MAP3K2: variants seen among roughly 807,000 people sequenced by gnomAD.
MAP3K2 encodes the protein MAP/ERK kinase kinase 2.
Under a neutral mutation model 80.3 loss-of-function variants are expected in MAP3K2, and 24 were observed. The ratio of observed to expected loss-of-function variants is 0.30; its 90% CI spans 0.22 to 0.42. MAP3K2 has a LOEUF of 0.42. MAP3K2 is among the 10% of genes least tolerant of loss of function. The pLI is 1.00. For synonymous variants in MAP3K2, 244 were observed against 253.7 expected (o/e 0.96, Z 0.36); for missense variants, 608 against 750.1 (o/e 0.81, Z 2.21).
In MAP3K2 at chr2:127,307,494, T is replaced by A; in HGVS notation, c.*85A>T. ...TCTTTTTTCTCCCCCATCTCTCTTT[T>A]TTTATAAAAAAGAAAAGTGCAGTCA... is the stretch of plus-strand genomic sequence containing the variant. On this transcript the variant is annotated 3_prime_UTR_variant, in exon 17 of 17. Coordinates refer to ENST00000682094, the MANE Select transcript of MAP3K2 (RefSeq NM_001371910.2). This position sits in a 1 kb window ranked among gnomAD's most constrained non-coding sequence, Gnocchi z 5.4. The A allele has an allele frequency of 1.3e-6, 1 of 763,936 alleles. No individual in the cohort carries two copies. The highest frequency in any genetic ancestry group is 2.9e-5 in the South Asian group (1 of 34,222). The allele number at this position is 763,936 out of a possible 1,614,324, so 47.3% of individuals were successfully genotyped here.
At chr2:127,330,901 T>C (rs1221615875) in intron 5 of MAP3K2, among the ~76,000 whole-genome samples, 1 of 152,218 alleles carries the variant, frequency 6.6e-6, no homozygotes, top group African/African-American at 2.4e-5. Flanking sequence ...AACTCAGTTC[T>C]TTTTTCAATA....
chr2:127,360,235 A>C (rs1265205234), intron 1 of MAP3K2, among the ~76,000 whole-genome samples: 1 of 152,210 alleles, frequency 6.6e-6, no homozygotes, highest in Non-Finnish European at 1.5e-5. Context: ...ATGAATCTCA[A>C]TTATGCTGAG....
upstream of MAP3K2, chr2:127,388,091 C>G: frequency 1.0e-6 from 1 of 984,300 alleles, no homozygotes; most frequent in Non-Finnish European, 1.2e-6. Flanking sequence ...TGGGTCGGCG[C>G]CTGCGCAGAG....
intron 2 of MAP3K2, among the ~76,000 whole-genome samples, chr2:127,340,427 G>C (rs1039826882): frequency 6.6e-6 from 1 of 152,160 alleles, no homozygotes; most frequent in Non-Finnish European, 1.5e-5. Flanking sequence ...GGGAGGCCGA[G>C]GGGGGCAGAT....
intron 1 of MAP3K2, among the ~76,000 whole-genome samples, chr2:127,369,662 G>A (rs1183231871): frequency 1.3e-5 from 2 of 151,880 alleles, no homozygotes; most frequent in African/African-American, 2.4e-5. Flanking sequence ...TCCGTGGGAG[G>A]GCTGTTCACA....
rs149039977 is a variant in MAP3K2 at position 127,368,830 on chromosome 2, C to T, written c.-66+18622G>A. ...CTTGTGATGTTGCCCAGGTTGGCCT[C>T]GACCTCTTGGGCTTAAACAAACCTC... On this transcript the variant is annotated intron_variant, in intron 1 of 16. Coordinates refer to ENST00000682094, the MANE Select transcript of MAP3K2 (RefSeq NM_001371910.2). Among the ~76,000 whole-genome samples the T allele has an allele frequency of 3.7e-3, 558 of 151,346 alleles. 4 individuals are homozygous for T. The highest frequency in any genetic ancestry group is 0.012 in the African/African-American group (512 of 41,212).
At chr2:127,346,411 A>T (rs1351645982) in intron 1 of MAP3K2, among the ~76,000 whole-genome samples, 2 of 27,180 alleles carry the variant, frequency 7.4e-5, no homozygotes, top group Non-Finnish European at 1.0e-4. Context: ...AACTGGTTTT[A>T]AAAAAAAAAA....
chr2:127,370,834 C>T (rs908214702), intron 1 of MAP3K2, among the ~76,000 whole-genome samples: 2 of 152,196 alleles, frequency 1.3e-5, no homozygotes, highest in African/African-American at 2.4e-5. Flanking sequence ...CCATCATCTA[C>T]CTTACTGCCT....
chr2:127,382,482 C>A (rs1279266320), intron 1 of MAP3K2, among the ~76,000 whole-genome samples: 1 of 152,124 alleles, frequency 6.6e-6, no homozygotes, highest in Admixed American at 6.5e-5. Context: ...TAGTTTTCTT[C>A]TTTCAGTAGA....
At chr2:127,344,990 G>C (rs947644268) in intron 1 of MAP3K2, among the ~76,000 whole-genome samples, 4 of 152,092 alleles carry the variant, frequency 2.6e-5, no homozygotes, top group African/African-American at 9.6e-5. Flanking sequence ...CAGCACCCCC[G>C]AGTAGATGGG....
chr2:127,358,156 A>G (rs1303412340), intron 1 of MAP3K2, among the ~76,000 whole-genome samples: 9 of 152,232 alleles, frequency 5.9e-5, no homozygotes, highest in African/African-American at 2.2e-4. Context: ...TAGGACATAC[A>G]CTTCACCAAA....
intron 1 of MAP3K2, among the ~76,000 whole-genome samples, chr2:127,379,492 A>G (rs189935931): frequency 3.5e-4 from 54 of 152,204 alleles, no homozygotes; most frequent in Non-Finnish European, 8.8e-5. Context: ...GCTATTCACT[A>G]CCTTTATTTT....
At chr2:127,352,963 G>C (rs1686721198) in intron 1 of MAP3K2, among the ~76,000 whole-genome samples, 1 of 152,104 alleles carries the variant, frequency 6.6e-6, no homozygotes, top group South Asian at 2.1e-4. Context: ...GGCCTCCCAA[G>C]GTGCCGGGAT....
At chr2:127,309,385 G>C (rs186883440) in intron 15 of MAP3K2, among the ~76,000 whole-genome samples, 2 of 152,122 alleles carry the variant, frequency 1.3e-5, no homozygotes, top group Non-Finnish European at 2.9e-5. Flanking sequence ...GATAGCTTCA[G>C]ATTTACAGAA....
intron 1 of MAP3K2, among the ~76,000 whole-genome samples, chr2:127,358,998 G>A (rs1356722143): frequency 6.6e-6 from 1 of 152,046 alleles, no homozygotes; most frequent in African/African-American, 2.4e-5. Flanking sequence ...AAACTATGGA[G>A]ACAGTAAAAA....
intron 1 of MAP3K2, among the ~76,000 whole-genome samples, chr2:127,365,120 A>G: frequency 2.5e-5 from 1 of 40,660 alleles, no homozygotes; most frequent in East Asian, 1.3e-3. Context: ...CTGCCTCAAA[A>G]AAAAAAAAAA....
At chr2:127,347,205 A>T (rs1423780845) in intron 1 of MAP3K2, among the ~76,000 whole-genome samples, 4 of 152,094 alleles carry the variant, frequency 2.6e-5, no homozygotes, top group African/African-American at 9.7e-5. Context: ...CTCTTGCCAC[A>T]CATCTATTTA....
intron 9 of MAP3K2, 75 bp downstream of exon 9, chr2:127,325,653 G>T: frequency 1.7e-6 from 2 of 1,175,428 alleles, no homozygotes; most frequent in Non-Finnish European, 1.3e-6. Flanking sequence ...ACGCCACTGC[G>T]CTCCAGCCTG....
At chr2:127,344,011 GA>G (rs894891894) in intron 1 of MAP3K2, among the ~76,000 whole-genome samples, 3 of 146,334 alleles carry the variant, frequency 2.1e-5, no homozygotes, top group Non-Finnish European at 3.0e-5. Context: ...CTGCCTAGAA[GA>G]AAAAAAAAAG....
Sources: allele counts gnomAD v4.1 joint callset (sites outside exome capture counted in the v4.1 genomes callset), GRCh38; gene constraint gnomAD v4.1.1; non-coding constraint Gnocchi (gnomAD v3.1); transcripts MANE v1.5; gene names NCBI Gene and HGNC (gene_info 2026-07-23, HGNC 2026-07-21).